ZMAT4: variants seen among roughly 807,000 people sequenced by gnomAD.
ZMAT4 encodes zinc finger matrin-type 4.
A neutral mutation model predicts 28.7 loss-of-function variants in ZMAT4; 17 were observed. The observed-to-expected ratio is 0.59, with a 90% CI of 0.41 to 0.89. ZMAT4 has a LOEUF of 0.89. Ranked by LOEUF, ZMAT4 falls within the 40% of genes least tolerant of loss-of-function variation. The pLI, the probability that ZMAT4 is intolerant of heterozygous loss-of-function variation, is 0.00. For missense variants in ZMAT4, 240 were observed against 283.8 expected (o/e 0.85, Z 1.11); for synonymous variants, 117 against 109.2 (o/e 1.07, Z -0.44).
intron 5 of ZMAT4, among the ~76,000 whole-genome samples, chr8:40,612,814 T>G (rs1197435758): frequency 1.6e-5 from 1 of 63,144 alleles, no homozygotes; most frequent in African/African-American, 6.0e-5. Context: ...GGTTTTTGTT[T>G]TTTTTTTTTT....
chr8:40,861,447 G>T (rs894553602), intron 1 of ZMAT4, among the ~76,000 whole-genome samples: 19 of 152,174 alleles, frequency 1.2e-4, no homozygotes, highest in African/African-American at 4.1e-4. Context: ...AGACTTAAAT[G>T]TTAGACCTAA....
At chr8:40,582,702 T>A (rs1302214485) in intron 5 of ZMAT4, among the ~76,000 whole-genome samples, 3 of 152,232 alleles carry the variant, frequency 2.0e-5, no homozygotes, top group African/African-American at 7.2e-5. Flanking sequence ...TGGGTAACTT[T>A]ATGCAAATTA....
chr8:40,801,351 A>ATATATATATATAT lies in ZMAT4; in HGVS notation c.102+24223_102+24224insATATATATATATA, dbSNP rs1554559738. On this transcript the variant is annotated intron_variant, in intron 2 of 6. Transcript: ENST00000297737. ...AGATGATACTTTCTTTAAAAAAAAA[A>ATATATATATATAT]ATATATATATATATATATATACATA... Among the ~76,000 whole-genome samples, 347 of 97,204 alleles carry ATATATATATATAT rather than the reference A, an allele frequency of 3.6e-3. 1 individual carries two copies. The highest frequency in any genetic ancestry group is 0.011 in the African/African-American group (309 of 26,930). The allele number at this position is 97,204 out of a possible 152,430, so 63.8% of individuals were successfully genotyped here.
At chr8:40,890,336 A>C (rs1162051299) in intron 1 of ZMAT4, among the ~76,000 whole-genome samples, 1 of 152,128 alleles carries the variant, frequency 6.6e-6, no homozygotes, top group Non-Finnish European at 1.5e-5. Flanking sequence ...TCCCATCTTC[A>C]GAGGGAACAC....
intron 6 of ZMAT4, among the ~76,000 whole-genome samples, chr8:40,557,478 T>C (rs1245706727): frequency 6.6e-6 from 1 of 152,156 alleles, no homozygotes; most frequent in Non-Finnish European, 1.5e-5. Flanking sequence ...CAAGTGTCCG[T>C]CTTAAACATA....
At chr8:40,801,351 A>AAATATATATATATATAT (rs370796453) in intron 2 of ZMAT4, among the ~76,000 whole-genome samples, 108 of 97,216 alleles carry the variant, frequency 1.1e-3, no homozygotes, top group African/African-American at 3.7e-3. Flanking sequence ...TAAAAAAAAA[A>AAATATATATATATATAT]ATATATATAT....
chr8:40,806,692 T>A (rs1365847829), intron 2 of ZMAT4, among the ~76,000 whole-genome samples: 1 of 152,198 alleles, frequency 6.6e-6, no homozygotes, highest in Non-Finnish European at 1.5e-5. Flanking sequence ...TATTTATGCA[T>A]CTGTATTGCT....
intron 3 of ZMAT4, among the ~76,000 whole-genome samples, chr8:40,736,721 G>A (rs1414799022): frequency 6.6e-6 from 1 of 152,198 alleles, no homozygotes; most frequent in Non-Finnish European, 1.5e-5. Context: ...TGAAGTAATG[G>A]GTTTTGCAAT....
intron 1 of ZMAT4, among the ~76,000 whole-genome samples, chr8:40,837,767 G>T (rs1050121009): frequency 2.6e-5 from 4 of 152,184 alleles, no homozygotes; most frequent in African/African-American, 9.7e-5. Flanking sequence ...CAAGCAACTC[G>T]TGGGAAAGCA....
chr8:40,876,231 G>A (rs923937442), intron 1 of ZMAT4, among the ~76,000 whole-genome samples: 5 of 152,086 alleles, frequency 3.3e-5, no homozygotes, highest in African/African-American at 1.2e-4. Context: ...TCCTCAACAC[G>A]AAGACAATGA....
chr8:40,593,360 A>G (rs1439862848), intron 5 of ZMAT4, among the ~76,000 whole-genome samples: 1 of 152,194 alleles, frequency 6.6e-6, no homozygotes, highest in Non-Finnish European at 1.5e-5. Context: ...CTGGGGTGGT[A>G]GAAAGCGGTA....
chr8:40,874,355 C>T (rs1167305780), intron 1 of ZMAT4, among the ~76,000 whole-genome samples: 3 of 152,234 alleles, frequency 2.0e-5, no homozygotes, highest in African/African-American at 7.2e-5. Context: ...TGGGGCTCAC[C>T]TGAAGATGGT....
At chr8:40,590,712 AGTGTGTGTGTGT>A (rs3221714) in intron 5 of ZMAT4, among the ~76,000 whole-genome samples, 1 of 150,370 alleles carries the variant, frequency 6.7e-6, no homozygotes, top group South Asian at 2.1e-4. Context: ...TTTCAGTATA[AGTGTGTGTGTGT>A]GTGTGTGTGA....
chr8:40,834,511 C>G (rs145426088), intron 1 of ZMAT4, among the ~76,000 whole-genome samples: 1 of 152,242 alleles, frequency 6.6e-6, no homozygotes, highest in East Asian at 1.9e-4. Context: ...CACTTGGATT[C>G]TCTCTTTATT....
intron 3 of ZMAT4, among the ~76,000 whole-genome samples, chr8:40,725,691 A>C (rs2150521676): frequency 6.6e-6 from 1 of 152,272 alleles, no homozygotes. Context: ...GAATCGCTTG[A>C]ACCTGGGGGG....
chr8:40,697,631 A>G (rs1356436144), intron 3 of ZMAT4, among the ~76,000 whole-genome samples: 1 of 152,086 alleles, frequency 6.6e-6, no homozygotes, highest in Non-Finnish European at 1.5e-5. Flanking sequence ...ACATAGGTAT[A>G]CATGTGCCAT....
chr8:40,869,009 C>A (rs1344537432), intron 1 of ZMAT4, among the ~76,000 whole-genome samples: 1 of 152,242 alleles, frequency 6.6e-6, no homozygotes, highest in Non-Finnish European at 1.5e-5. Flanking sequence ...ATTTTCTCTA[C>A]CTGTCCAACC....
At chr8:40,795,247 C>G (rs914170710) in intron 2 of ZMAT4, among the ~76,000 whole-genome samples, 6 of 152,130 alleles carry the variant, frequency 3.9e-5, no homozygotes, top group Non-Finnish European at 7.3e-5. Flanking sequence ...CCTCCAAGAA[C>G]AGTTGTGGCC....
At chr8:40,826,515 A>T (rs1044762954) in intron 1 of ZMAT4, among the ~76,000 whole-genome samples, 17 of 152,344 alleles carry the variant, frequency 1.1e-4, no homozygotes, top group Non-Finnish European at 2.4e-4. Flanking sequence ...TAGTCAAGGA[A>T]GAAGTTAGCT....
Sources: allele counts gnomAD v4.1 joint callset (sites outside exome capture counted in the v4.1 genomes callset), GRCh38; gene constraint gnomAD v4.1.1; transcripts MANE v1.5; gene names NCBI Gene and HGNC (gene_info 2026-07-23, HGNC 2026-07-21).